The following SLC20A2 variants were observed in gnomAD, a reference collection of about 807,000 sequenced individuals.
SLC20A2 encodes the protein solute carrier family 20 member 2, also known as sodium-dependent phosphate transporter 2.
In SLC20A2, 30 loss-of-function variants were observed where a neutral mutation model predicts 61.0. The ratio of observed to expected loss-of-function variants is 0.49; its 90% CI spans 0.37 to 0.67. The LOEUF (loss-of-function observed/expected upper bound fraction) is 0.67. SLC20A2 is among the 30% of genes least tolerant of loss of function. The pLI is 0.00. For missense variants in SLC20A2, 626 were observed against 866.4 expected, an observed-to-expected ratio of 0.72 and a Z score of 3.48; for synonymous variants, 351 against 353.3, an observed-to-expected ratio of 0.99 and a Z score of 0.07.
intron 1 of SLC20A2, among the ~76,000 whole-genome samples, chr8:42,488,548 T>C (rs1331781329): frequency 6.6e-6 from 1 of 152,164 alleles, no homozygotes; most frequent in Admixed American, 6.5e-5. Flanking sequence ...TTCAGTCCTT[T>C]TGGATATATA....
intron 5 of SLC20A2, among the ~76,000 whole-genome samples, chr8:42,451,373 G>A (rs1805627838): frequency 6.7e-6 from 1 of 150,310 alleles, no homozygotes; most frequent in African/African-American, 2.5e-5. Flanking sequence ...AGATGGAAGA[G>A]GAAGAGATGA....
chr8:42,428,833 C>T lies in SLC20A2; in HGVS notation c.1719G>A (p.Thr573=), dbSNP rs768114081. The part of the protein sequence containing the change: ...LTPITPSSGF[T]IELASAFTVV... ...CTGTGAAGGCTGAGGCCAGCTCGAT[C>T]GTGAAGCCGCTGTGGGGGGAGCATG... The change falls in exon 10 of 11, where the codon ACG becomes ACA. Residue 573 remains threonine (T), a synonymous_variant. Transcript: ENST00000520262. 20 of 1,598,210 alleles carry T rather than the reference C, an allele frequency of 1.3e-5. No homozygotes were observed. The highest frequency in any genetic ancestry group is 1.0e-4 in the Admixed American group (6 of 57,944).
intron 1 of SLC20A2, among the ~76,000 whole-genome samples, chr8:42,508,351 T>C (rs191565528): frequency 7.0e-6 from 1 of 143,526 alleles, no homozygotes; most frequent in East Asian, 2.1e-4. Context: ...GTGGTATTTG[T>C]TTTTGTTTGT....
intron 6 of SLC20A2, among the ~76,000 whole-genome samples, chr8:42,442,161 G>A (rs574212783): frequency 5.7e-4 from 87 of 152,108 alleles, no homozygotes; most frequent in African/African-American, 2.0e-3. Context: ...TCGAACTCCC[G>A]ACCTCAGGTG....
At chr8:42,492,439 A>G (rs1194807412) in intron 1 of SLC20A2, among the ~76,000 whole-genome samples, 1 of 152,240 alleles carries the variant, frequency 6.6e-6, no homozygotes, top group East Asian at 1.9e-4. Context: ...GAGGAATGTC[A>G]TGACTACTCC....
chr8:42,539,569 A>G (rs1273815157), intron 1 of SLC20A2, among the ~76,000 whole-genome samples: 1 of 152,250 alleles, frequency 6.6e-6, no homozygotes, highest in Non-Finnish European at 1.5e-5. Flanking sequence ...TTAAATGCCC[A>G]GTAAAACTGT....
rs774129042 is a variant in SLC20A2, at chr8:42,437,546, C to A, written c.966G>T (p.Val322=). 6 of 1,613,710 alleles carry A rather than the reference C, an allele frequency of 3.7e-6. No individual in the cohort carries two copies. The highest frequency in any genetic ancestry group is 5.1e-6 in the Non-Finnish European group (6 of 1,179,862). ...AGGTGCCGTTGGAGATGGGCGATTT[C>A]ACAGAGCCATGGGTCATGGACAGTG... The part of the protein sequence containing the change: ...GRALSMTHGS[V]KSPISNGTFG... The change falls in exon 8 of 11, where the codon GTG becomes GTT. Residue 322 remains valine, a synonymous_variant. Coordinates refer to ENST00000520262, the MANE Select transcript of SLC20A2 (RefSeq NM_001257180.2). This position sits in a 1 kb window ranked among gnomAD's most constrained non-coding sequence, Gnocchi z 6.4.
At chr8:42,519,957 G>A (rs1051881593) in intron 1 of SLC20A2, among the ~76,000 whole-genome samples, 2 of 150,832 alleles carry the variant, frequency 1.3e-5, no homozygotes, top group African/African-American at 2.4e-5. Context: ...AAATGTTGCC[G>A]GACATTAGTC....
chr8:42,458,945 C>CCT (rs941650650), intron 5 of SLC20A2, among the ~76,000 whole-genome samples: 4 of 139,970 alleles, frequency 2.9e-5, no homozygotes, highest in Non-Finnish European at 6.2e-5. Context: ...TTTTAACCCC[C>CCT]CCCCCCACAA....
At chr8:42,537,555 A>G (rs1355419814) in intron 1 of SLC20A2, 1 of 152,174 alleles carries the variant, frequency 6.6e-6, no homozygotes, top group Non-Finnish European at 1.5e-5. Context: ...TTTATTTGGC[A>G]TAAGTTTTTT....
At chr8:42,446,204 A>G (rs906878979) in intron 5 of SLC20A2, among the ~76,000 whole-genome samples, 3 of 152,132 alleles carry the variant, frequency 2.0e-5, no homozygotes, top group Non-Finnish European at 4.4e-5. Context: ...GTGCAGAAAA[A>G]CTTTTCACTC....
intron 1 of SLC20A2, among the ~76,000 whole-genome samples, chr8:42,524,710 C>T (rs543363483): frequency 4.6e-5 from 7 of 151,842 alleles, no homozygotes; most frequent in East Asian, 1.9e-4. Flanking sequence ...CGCTTGAACC[C>T]GGGAGGCAGA....
Position 42,444,694 on chromosome 8 carries a change from A to G in SLC20A2, c.682T>C (p.Phe228Leu). The G allele has an allele frequency of 1.2e-6, 2 of 1,614,036 alleles. No homozygotes were observed. The highest frequency in any genetic ancestry group is 2.7e-5 in the African/African-American group (2 of 75,050). Residue 228 changes from phenylalanine (F) to leucine (L), a missense_variant, in exon 6 of 11, where the codon TTT becomes CTT. Phe to Leu is a conservative substitution (Grantham distance 22, BLOSUM62 0). Coordinates refer to ENST00000520262, the MANE Select transcript of SLC20A2 (RefSeq NM_001257180.2). ...GGACACACGAAGAGCCACACAAAAA[A>G]AGCGAACAGGAGGGCGACACCAAAG... ...ISFGVALLFA[F>L]FVWLFVCPWM...
intron 5 of SLC20A2, among the ~76,000 whole-genome samples, chr8:42,458,916 A>G (rs574975620): frequency 1.7e-4 from 25 of 150,468 alleles, no homozygotes; most frequent in Non-Finnish European, 7.4e-5. Flanking sequence ...CTCAAAAATA[A>G]AATAAAATAA....
intron 1 of SLC20A2, among the ~76,000 whole-genome samples, chr8:42,494,005 T>C (rs1809722844): frequency 6.6e-6 from 1 of 152,096 alleles, no homozygotes; most frequent in African/African-American, 2.4e-5. Flanking sequence ...TAGCCAGGTG[T>C]CGTGGTGTGT....
intron 1 of SLC20A2, among the ~76,000 whole-genome samples, chr8:42,520,001 T>C (rs1174116368): frequency 6.8e-6 from 1 of 146,714 alleles, no homozygotes; most frequent in Admixed American, 7.0e-5. Flanking sequence ...CAACTCTTTA[T>C]GCTAATCTTT....
At chr8:42,424,862 A>G (rs1355511519) in intron 10 of SLC20A2, among the ~76,000 whole-genome samples, 1 of 152,186 alleles carries the variant, frequency 6.6e-6, no homozygotes, top group African/African-American at 2.4e-5. Flanking sequence ...CCTGGCTAAC[A>G]TGGAGAAACC....
At chr8:42,503,933 G>C (rs1407226074), upstream of SLC20A2, among the ~76,000 whole-genome samples, 1 of 152,180 alleles carries the variant, frequency 6.6e-6, no homozygotes, top group Non-Finnish European at 1.5e-5. Flanking sequence ...TCAAAGTTTA[G>C]ATACTTGGCA....
At chr8:42,504,353 A>G (rs1810503599), upstream of SLC20A2, among the ~76,000 whole-genome samples, 1 of 152,194 alleles carries the variant, frequency 6.6e-6, no homozygotes, top group South Asian at 2.1e-4. Context: ...CTGTGTCTCA[A>G]AAAGGTTAAG....
Sources: gnomAD v4.1 joint callset for allele counts (sites outside exome capture counted in the v4.1 genomes callset) on GRCh38, gnomAD v4.1.1 for gene constraint, Gnocchi (gnomAD v3.1) non-coding constraint, MANE v1.5 for transcripts, NCBI Gene and HGNC (gene_info 2026-07-23, HGNC 2026-07-21) for gene names.